The following MECOM variants were observed in gnomAD, a reference collection of about 807,000 sequenced individuals.
The protein encoded by MECOM is MDS1 and EVI1 complex locus.
In MECOM, 13 loss-of-function variants were observed where a neutral mutation model predicts 116.3. The ratio of observed to expected loss-of-function variants is 0.11; its 90% CI spans 0.07 to 0.18. The LOEUF is 0.18. MECOM is among the 10% of genes least tolerant of loss of function. The pLI is 1.00. For synonymous variants in MECOM, 528 were observed against 535.2 expected (o/e 0.99, Z 0.19); for missense variants, 1,299 against 1,509.0 (o/e 0.86, Z 2.31).
intron 3 of MECOM, among the ~76,000 whole-genome samples, chr3:169,134,394 T>C (rs1444064087): frequency 1.3e-5 from 2 of 152,068 alleles, no homozygotes; most frequent in African/African-American, 4.8e-5. Context: ...TTACTGGAGG[T>C]AAAAGGTGAC....
At chr3:169,167,445 G>T (rs1397465943) in intron 2 of MECOM, among the ~76,000 whole-genome samples, 1 of 152,164 alleles carries the variant, frequency 6.6e-6, no homozygotes. Context: ...TGTGTGATTG[G>T]TCAAGGAACT....
intron 2 of MECOM, among the ~76,000 whole-genome samples, chr3:169,186,199 C>A (rs1285093407): frequency 6.6e-6 from 1 of 151,912 alleles, no homozygotes; most frequent in Non-Finnish European, 1.5e-5. Context: ...AGCTTATTTC[C>A]AATACCTAGC....
intron 2 of MECOM, among the ~76,000 whole-genome samples, chr3:169,260,407 G>A (rs1378108471): frequency 6.6e-6 from 1 of 150,962 alleles, no homozygotes; most frequent in Non-Finnish European, 1.5e-5. Context: ...TCTGACAGGC[G>A]TTTCTCATTT....
intron 1 of MECOM, among the ~76,000 whole-genome samples, chr3:169,427,557 C>T (rs1740932985): frequency 6.6e-6 from 1 of 152,128 alleles, no homozygotes; most frequent in Non-Finnish European, 1.5e-5. Flanking sequence ...TTGTGTTGAC[C>T]AAAGAACTGG....
intron 2 of MECOM, among the ~76,000 whole-genome samples, chr3:169,190,199 A>T (rs1325994236): frequency 1.3e-5 from 2 of 152,110 alleles, no homozygotes; most frequent in Admixed American, 6.6e-5. Context: ...GTACTCAACC[A>T]TAATATAAAT....
chr3:169,574,115 G>T (rs897031451), intron 1 of MECOM, among the ~76,000 whole-genome samples: 1 of 152,118 alleles, frequency 6.6e-6, no homozygotes, highest in Non-Finnish European at 1.5e-5. Flanking sequence ...GACAGCAAAT[G>T]TTGTCAAGAT....
intron 1 of MECOM, among the ~76,000 whole-genome samples, chr3:169,428,252 A>G (rs553128729): frequency 6.6e-6 from 1 of 152,152 alleles, no homozygotes; most frequent in Non-Finnish European, 1.5e-5. Flanking sequence ...GTGGTCCCCA[A>G]CCTTTTGTAA....
chr3:169,172,472 C>T (rs1577246572), intron 2 of MECOM, among the ~76,000 whole-genome samples: 2 of 146,622 alleles, frequency 1.4e-5, no homozygotes, highest in South Asian at 2.2e-4. Context: ...AAGGCCTATC[C>T]ATATAAAAAT....
intron 2 of MECOM, among the ~76,000 whole-genome samples, chr3:169,239,088 CT>C (rs1251181854): frequency 2.0e-5 from 3 of 152,044 alleles, no homozygotes; most frequent in Non-Finnish European, 2.9e-5. Context: ...TACATGTGAA[CT>C]GCTATAAAAG....
At chr3:169,418,369 A>G (rs1338213002) in intron 1 of MECOM, among the ~76,000 whole-genome samples, 4 of 152,174 alleles carry the variant, frequency 2.6e-5, no homozygotes, top group African/African-American at 7.2e-5. Context: ...AAACAATAGA[A>G]AAAGAGGGAC....
In MECOM at chr3:169,535,837, A is replaced by G. The variant is rs545298566; in HGVS notation, c.37+127499T>C. On this transcript the variant is annotated intron_variant, in intron 1 of 16. Coordinates refer to ENST00000651503, the MANE Select transcript of MECOM (RefSeq NM_004991.4). ...AAGCAGACTGTCAACAGCTGTAACT[A>G]TGTGACTTTTGGGTTACTTAACCTC... is the stretch of plus-strand genomic sequence containing the variant. Among the ~76,000 whole-genome samples, 12 of 152,338 alleles carry G rather than the reference A, an allele frequency of 7.9e-5. 1 individual carries two copies. Among genetic ancestry groups the G allele is most frequent in the African/African-American group, 2.6e-4 (11 of 41,580 alleles).
intron 1 of MECOM, among the ~76,000 whole-genome samples, chr3:169,404,299 A>G (rs1329489633): frequency 6.6e-6 from 1 of 152,122 alleles, no homozygotes; most frequent in Non-Finnish European, 1.5e-5. Flanking sequence ...ACACACACAC[A>G]CACCACCACA....
intron 1 of MECOM, among the ~76,000 whole-genome samples, chr3:169,650,818 G>C (rs931336785): frequency 2.0e-5 from 3 of 151,924 alleles, no homozygotes; most frequent in Admixed American, 2.0e-4. Flanking sequence ...GAACTTCTCT[G>C]TCTGTTTTGT....
At chr3:169,229,459 G>C (rs1032056521) in intron 2 of MECOM, among the ~76,000 whole-genome samples, 2 of 152,118 alleles carry the variant, frequency 1.3e-5, no homozygotes, top group Admixed American at 6.5e-5. Flanking sequence ...GACTGGCAAG[G>C]CTTAATCTTA....
intron 1 of MECOM, among the ~76,000 whole-genome samples, chr3:169,575,604 C>G (rs1764400966): frequency 6.6e-6 from 1 of 152,170 alleles, no homozygotes; most frequent in African/African-American, 2.4e-5. Context: ...ACACAAACAC[C>G]TCCACACTGG....
chr3:169,359,512 G>C (rs1051386391), intron 2 of MECOM, among the ~76,000 whole-genome samples: 2 of 151,558 alleles, frequency 1.3e-5, no homozygotes, highest in African/African-American at 2.4e-5. Context: ...AGTGTTCAGG[G>C]GTCCTTATTG....
chr3:169,116,655 T>C lies in MECOM; in HGVS notation c.1217A>G (p.Lys406Arg). The C allele has an allele frequency of 6.2e-7, 1 of 1,614,188 alleles. No homozygotes were observed. The highest frequency in any genetic ancestry group is 1.6e-4 in the Middle Eastern group (1 of 6,062). The change falls in exon 8 of 17, where the codon AAG (lysine) becomes AGG (arginine). Residue 406 changes from lysine (K) to arginine (R), a missense_variant. Lys to Arg is a conservative substitution (Grantham distance 26). Around this residue, in one of 6 missense-constraint regions of MECOM, gnomAD observed 42 missense variants for 103.9 expected, o/e 0.40. Coordinates refer to ENST00000651503, the MANE Select transcript of MECOM (RefSeq NM_004991.4). ...GAACATTTGTCCACAGTCTTTGCAC[T>C]TGATTTGGGTTCTGCAATCAGCATG... ...RMHADCRTQI[K>R]CKDCGQMFST...
At chr3:169,613,088 T>C (rs954463834) in intron 1 of MECOM, among the ~76,000 whole-genome samples, 1 of 152,236 alleles carries the variant, frequency 6.6e-6, no homozygotes, top group Admixed American at 6.5e-5. Context: ...CCTGTTCATT[T>C]TTTTCCTTAC....
At chr3:169,298,371 G>A (rs1479108462) in intron 2 of MECOM, among the ~76,000 whole-genome samples, 2 of 151,794 alleles carry the variant, frequency 1.3e-5, no homozygotes, top group Non-Finnish European at 2.9e-5. Context: ...AATGAGATAT[G>A]TATATTAAAT....
Sources: allele counts gnomAD v4.1 joint callset (sites outside exome capture counted in the v4.1 genomes callset), GRCh38; gene constraint gnomAD v4.1.1; regional missense constraint gnomAD v4.1.1; transcripts MANE v1.5; gene names NCBI Gene and HGNC (gene_info 2026-07-23, HGNC 2026-07-21).